CNTN5: variants seen among roughly 807,000 people sequenced by gnomAD.
The protein encoded by CNTN5 is contactin-5.
Under a neutral mutation model 129.1 loss-of-function variants are expected in CNTN5, and 77 were observed. That is an observed-to-expected ratio of 0.60 (90% CI 0.50 to 0.72). CNTN5 has a LOEUF of 0.72. CNTN5 is among the 30% of genes least tolerant of loss of function. The pLI, the probability that CNTN5 is intolerant of heterozygous loss-of-function variation, is 0.00. For missense variants in CNTN5, 1,478 were observed against 1,328.8 expected (o/e 1.11, Z -1.75); for synonymous variants, 509 against 465.6 (o/e 1.09, Z -1.20).
At chr11:100,332,979 A>G (rs1591521428) in intron 21 of CNTN5, among the ~76,000 whole-genome samples, 1 of 152,154 alleles carries the variant, frequency 6.6e-6, no homozygotes, top group South Asian at 2.1e-4. Context: ...AAGGGCATCC[A>G]AATTGGTAAG....
At chr11:99,341,628 C>T (rs1866517608) in intron 2 of CNTN5, among the ~76,000 whole-genome samples, 1 of 152,090 alleles carries the variant, frequency 6.6e-6, no homozygotes, top group Non-Finnish European at 1.5e-5. Context: ...GTCAGTAAGT[C>T]ACATGTCTTG....
chr11:100,238,585 AAAAG>A (rs1949674821), intron 16 of CNTN5, among the ~76,000 whole-genome samples: 1 of 151,604 alleles, frequency 6.6e-6, no homozygotes. Context: ...GAGGAGAGGA[AAAAG>A]AAGAAGAAGA....
intron 1 of CNTN5, among the ~76,000 whole-genome samples, chr11:99,250,236 A>C (rs767458029): frequency 3.3e-5 from 5 of 152,008 alleles, no homozygotes; most frequent in Non-Finnish European, 5.9e-5. Context: ...TTACTTCAGC[A>C]CTGCCTGCAT....
intron 6 of CNTN5, among the ~76,000 whole-genome samples, chr11:99,913,597 T>C (rs1276402381): frequency 6.6e-6 from 1 of 152,038 alleles, no homozygotes; most frequent in African/African-American, 2.4e-5. Context: ...AATAAAGCAA[T>C]TGGAGTGAAG....
At chr11:99,590,174 G>A (rs548511337) in intron 3 of CNTN5, among the ~76,000 whole-genome samples, 11 of 152,030 alleles carry the variant, frequency 7.2e-5, no homozygotes, top group Non-Finnish European at 1.6e-4. Context: ...AAAAAAAGAG[G>A]ACAGCAATGA....
At chr11:99,500,170 A>T (rs1302533426) in intron 2 of CNTN5, among the ~76,000 whole-genome samples, 1 of 152,214 alleles carries the variant, frequency 6.6e-6, no homozygotes, top group Admixed American at 6.5e-5. Context: ...AGGCTGGCGC[A>T]AAAGTAATTG....
chr11:99,898,345 T>G (rs1330318650), intron 6 of CNTN5, among the ~76,000 whole-genome samples: 4 of 151,740 alleles, frequency 2.6e-5, no homozygotes, highest in African/African-American at 9.7e-5. Context: ...AGAGAGAAGA[T>G]TCAAATAAGT....
At chr11:99,733,238 C>T (rs1353735865) in intron 3 of CNTN5, among the ~76,000 whole-genome samples, 1 of 150,440 alleles carries the variant, frequency 6.6e-6, no homozygotes, top group African/African-American at 2.5e-5. Context: ...CAGAGAACTG[C>T]TTGAACCTGG....
intron 1 of CNTN5, among the ~76,000 whole-genome samples, chr11:99,187,950 G>GT (rs1223149540): frequency 6.6e-6 from 1 of 151,434 alleles, no homozygotes; most frequent in Non-Finnish European, 1.5e-5. Context: ...CCTTCCAGTG[G>GT]TTACTATTAT....
chr11:99,667,446 G>A (rs976305764), intron 3 of CNTN5, among the ~76,000 whole-genome samples: 1 of 151,988 alleles, frequency 6.6e-6, no homozygotes, highest in Non-Finnish European at 1.5e-5. Flanking sequence ...CACCTCAATG[G>A]CTAATGTTGA....
chr11:99,240,858 C>T (rs1861511334), intron 1 of CNTN5, among the ~76,000 whole-genome samples: 1 of 152,096 alleles, frequency 6.6e-6, no homozygotes. Context: ...AGCGTCTGCC[C>T]CGTAAAACCA....
chr11:99,510,018 G>A (rs886882382), intron 2 of CNTN5, among the ~76,000 whole-genome samples: 2 of 151,364 alleles, frequency 1.3e-5, no homozygotes, highest in African/African-American at 4.8e-5. Context: ...AAATGTAAAT[G>A]AAAATTAAAA....
intron 13 of CNTN5, among the ~76,000 whole-genome samples, chr11:100,111,004 G>GC (rs1434727276): frequency 1.3e-5 from 1 of 76,302 alleles, no homozygotes; most frequent in Non-Finnish European, 2.6e-5. Flanking sequence ...AAGTGTTAAT[G>GC]CAAAAAAAAA....
chr11:99,207,804 G>A (rs1040468093), intron 1 of CNTN5, among the ~76,000 whole-genome samples: 1 of 152,052 alleles, frequency 6.6e-6, no homozygotes, highest in African/African-American at 2.4e-5. Context: ...CTACCATATG[G>A]CTGTCTACAT....
At chr11:99,862,203 T>A (rs939707222) in intron 6 of CNTN5, among the ~76,000 whole-genome samples, 2 of 152,186 alleles carry the variant, frequency 1.3e-5, no homozygotes, top group African/African-American at 4.8e-5. Context: ...TCCTTTCATG[T>A]TGCTAAATAC....
chr11:99,245,811 T>C (rs1444730124), intron 1 of CNTN5, among the ~76,000 whole-genome samples: 2 of 152,194 alleles, frequency 1.3e-5, no homozygotes, highest in Non-Finnish European at 2.9e-5. Flanking sequence ...TGTACGGGAC[T>C]GTCTTGCGTA....
chr11:99,663,170 C>G (rs908495468), intron 3 of CNTN5, among the ~76,000 whole-genome samples: 1 of 152,050 alleles, frequency 6.6e-6, no homozygotes, highest in Non-Finnish European at 1.5e-5. Flanking sequence ...TTAAGACTTG[C>G]ATTAAGAAAA....
At chr11:100,004,108 A>C (rs11605832) in intron 9 of CNTN5, 45,117 of 152,082 alleles carry the variant, frequency 0.3, 7,141 homozygotes, top group African/African-American at 0.39. Context: ...CCCACAGCTC[A>C]CTTGAGCTGC....
intron 3 of CNTN5, among the ~76,000 whole-genome samples, chr11:99,601,654 C>A (rs1414854752): frequency 6.6e-6 from 1 of 152,146 alleles, no homozygotes; most frequent in Non-Finnish European, 1.5e-5. Flanking sequence ...TTTGGTGACA[C>A]CACACCCTAA....
Sources: gnomAD v4.1 joint callset for allele counts (sites outside exome capture counted in the v4.1 genomes callset) on GRCh38, gnomAD v4.1.1 for gene constraint, MANE v1.5 for transcripts, NCBI Gene and HGNC (gene_info 2026-07-23, HGNC 2026-07-21) for gene names.